The following STAT5B variants were observed in gnomAD, a reference collection of about 807,000 sequenced individuals.
The protein encoded by STAT5B is signal transducer and activator of transcription 5B.
In STAT5B, 21 loss-of-function variants were observed where a neutral mutation model predicts 107.8. The observed-to-expected ratio is 0.19, with a 90% CI of 0.14 to 0.28. The LOEUF is 0.28. Ranked by LOEUF, STAT5B falls within the 10% of genes least tolerant of loss-of-function variation. The probability of loss-of-function intolerance (pLI) is 1.00; values close to 1 mark genes in which losing one functional copy is unlikely to be tolerated. For synonymous variants in STAT5B, 325 were observed against 401.7 expected (o/e 0.81, Z 2.28); for missense variants, 565 against 1,008.2 (o/e 0.56, Z 5.95).
At chr17:42,254,395 C>A (rs2080524435) in intron 1 of STAT5B, among the ~76,000 whole-genome samples, 1 of 152,090 alleles carries the variant, frequency 6.6e-6, no homozygotes, top group Non-Finnish European at 1.5e-5. Context: ...AGCCCAAGAT[C>A]CTGCTTTAAA....
intron 16 of STAT5B, among the ~76,000 whole-genome samples, chr17:42,205,502 T>C (rs1212056105): frequency 6.6e-6 from 1 of 152,162 alleles, no homozygotes; most frequent in Non-Finnish European, 1.5e-5. Flanking sequence ...TCCTGAGGCT[T>C]TCCAGACATG....
upstream of STAT5B, among the ~76,000 whole-genome samples, chr17:42,277,988 C>G (rs563181441): frequency 6.6e-6 from 1 of 152,166 alleles, no homozygotes; most frequent in South Asian, 2.1e-4. Flanking sequence ...GAACTCCTGA[C>G]CTCGTAATCT....
At chr17:42,260,363 CA>C (rs970813885) in intron 1 of STAT5B, among the ~76,000 whole-genome samples, 1 of 151,408 alleles carries the variant, frequency 6.6e-6, no homozygotes, top group African/African-American at 2.4e-5. Context: ...AGCATTCGTA[CA>C]AAAAAAGGAA....
rs1043527090 is a variant in STAT5B, at chr17:42,199,924, C to T, written c.*1814G>A. Reference sequence around the variant, plus strand: ...GGGAGACGGGCAGGGAGTGACTCTACGAGCCTGGATCCCTGAGCAGGCAGG... The same window carrying T: ...GGGAGACGGGCAGGGAGTGACTCTATGAGCCTGGATCCCTGAGCAGGCAGG... On this transcript the variant is annotated 3_prime_UTR_variant, in exon 19 of 19. Transcript: ENST00000293328. 16 of 152,416 alleles carry T rather than the reference C, an allele frequency of 1.0e-4. No individual in the cohort carries two copies. The highest frequency in any genetic ancestry group is 3.6e-4 in the African/African-American group (15 of 41,544). 9.4% of individuals were successfully genotyped at this position (152,416 alleles called of 1,614,324 possible).
intron 2 of STAT5B, among the ~76,000 whole-genome samples, chr17:42,230,691 C>T (rs890063016): frequency 6.6e-6 from 1 of 151,762 alleles, no homozygotes; most frequent in Non-Finnish European, 1.5e-5. Context: ...AAGGCAGTCT[C>T]ACTCTGTTGC....
upstream of STAT5B, among the ~76,000 whole-genome samples, chr17:42,277,782 GTC>G (rs1289246570): frequency 6.8e-6 from 1 of 147,228 alleles, no homozygotes; most frequent in Non-Finnish European, 1.5e-5. Context: ...TTGAGACGGA[GTC>G]TCTCTCTGTT....
upstream of STAT5B, among the ~76,000 whole-genome samples, chr17:42,278,051 T>C (rs1251363419): frequency 5.9e-5 from 9 of 152,138 alleles, no homozygotes; most frequent in Admixed American, 4.6e-4. Context: ...CCACCGCACC[T>C]GACTCATGTT....
chr17:42,218,021 A>G (rs1428722636), intron 9 of STAT5B, 130 bp downstream of exon 9: 5 of 1,487,816 alleles, frequency 3.4e-6, no homozygotes, highest in Non-Finnish European at 4.6e-6. Context: ...ACTTCCTTAT[A>G]TTCCTTTGCT....
chr17:42,234,190 G>C (rs978217988), intron 1 of STAT5B: 9 of 152,338 alleles, frequency 5.9e-5, no homozygotes, highest in Admixed American at 5.2e-4. Context: ...TCTGTTAGTT[G>C]TAGTTGTCTG....
In STAT5B at chr17:42,276,319, C is replaced by T. The variant is rs1338592773; in HGVS notation, c.-82G>A. ...TGGCTTGCCCGCCCGCCCGCTCGCT[C>T]CCTCCCTCGGCCGGGCCGCCGCGCG... On this transcript the variant is annotated 5_prime_UTR_variant, in exon 1 of 19. Coordinates refer to ENST00000293328, the MANE Select transcript of STAT5B (RefSeq NM_012448.4). The surrounding 1 kb of genome is among the most constrained non-coding windows in gnomAD (Gnocchi z 4.8). 1.4e-5 allele frequency: 2 copies of T among 147,162 alleles called. No individual in the cohort carries two copies. Among genetic ancestry groups the T allele is most frequent in the African/African-American group, 4.9e-5 (2 of 40,894 alleles). 9.1% of individuals were successfully genotyped at this position (147,162 alleles called of 1,614,324 possible).
chr17:42,247,024 C>T (rs1443184203), intron 1 of STAT5B, among the ~76,000 whole-genome samples: 1 of 152,146 alleles, frequency 6.6e-6, no homozygotes, highest in African/African-American at 2.4e-5. Context: ...GTGCCAAGAA[C>T]CTATACCTAA....
At chr17:42,282,203 A>G in the STAT5B span, among the ~76,000 whole-genome samples, 2 of 152,194 alleles carry the variant, frequency 1.3e-5, no homozygotes, top group Non-Finnish European at 2.9e-5. Context: ...ATAGCCCTTT[A>G]GGCAATGTGT....
chr17:42,285,844 A>C, the STAT5B span, among the ~76,000 whole-genome samples: 1 of 152,098 alleles, frequency 6.6e-6, no homozygotes, highest in African/African-American at 2.4e-5. Flanking sequence ...AACAGGCCTG[A>C]AGAAATGGAG....
chr17:42,212,340 C>T (rs1186599210), intron 12 of STAT5B, 150 bp from the exon 13 acceptor site: 7 of 1,338,144 alleles, frequency 5.2e-6, no homozygotes, highest in South Asian at 1.3e-5. Context: ...CTGGGGTACA[C>T]GGTTCTGTGA....
At chr17:42,247,454 AAT>A (rs1397163792) in intron 1 of STAT5B, among the ~76,000 whole-genome samples, 1 of 152,260 alleles carries the variant, frequency 6.6e-6, no homozygotes, top group African/African-American at 2.4e-5. Context: ...TAGTTAAAAC[AAT>A]ACAAAACTGA....
At chr17:42,236,740 A>T (rs938312802) in intron 1 of STAT5B, among the ~76,000 whole-genome samples, 1 of 152,108 alleles carries the variant, frequency 6.6e-6, no homozygotes, top group Non-Finnish European at 1.5e-5. Context: ...CCTGGCAGTT[A>T]AGTAGTATTT....
intron 5 of STAT5B, among the ~76,000 whole-genome samples, chr17:42,222,615 A>C (rs1377527747): frequency 6.6e-6 from 1 of 151,888 alleles, no homozygotes; most frequent in Non-Finnish European, 1.5e-5. Flanking sequence ...GCCTCAAGTG[A>C]TCCTCCTGCC....
At chr17:42,265,250 C>T (rs1047762562) in intron 1 of STAT5B, among the ~76,000 whole-genome samples, 6 of 152,110 alleles carry the variant, frequency 3.9e-5, no homozygotes, top group South Asian at 2.1e-4. Context: ...TTGTTGCCAT[C>T]GCTTTTGGTG....
At chr17:42,269,833 T>C (rs1460276346) in intron 1 of STAT5B, 1 of 145,926 alleles carries the variant, frequency 6.9e-6, no homozygotes, top group African/African-American at 2.5e-5. Context: ...GCATCATAAA[T>C]GAAAAAAAAA....
Sources: allele counts gnomAD v4.1 joint callset (sites outside exome capture counted in the v4.1 genomes callset), GRCh38; gene constraint gnomAD v4.1.1; non-coding constraint Gnocchi (gnomAD v3.1); transcripts MANE v1.5; gene names NCBI Gene and HGNC (gene_info 2026-07-23, HGNC 2026-07-21).